Variants in PARD3B observed in about 807,000 individuals in gnomAD.
The protein encoded by PARD3B is partitioning defective 3 homolog B.
In PARD3B, 103 loss-of-function variants were observed where a neutral mutation model predicts 130.2. That is an observed-to-expected ratio of 0.79 (90% CI 0.67 to 0.93). The LOEUF (loss-of-function observed/expected upper bound fraction) is 0.93, where lower values mean the gene tolerates loss of function less well. Ranked by LOEUF, PARD3B falls within the 40% of genes least tolerant of loss-of-function variation. PARD3B has a pLI of 0.00. For missense variants in PARD3B, 1,609 were observed against 1,499.2 expected, an observed-to-expected ratio of 1.07 and a Z score of -1.21; for synonymous variants, 583 against 553.2, an observed-to-expected ratio of 1.05 and a Z score of -0.76.
intron 21 of PARD3B, among the ~76,000 whole-genome samples, chr2:205,533,745 T>G (rs947133179): frequency 7.9e-5 from 12 of 151,264 alleles, no homozygotes; most frequent in African/African-American, 3.0e-4. Context: ...TTGTTTGTTT[T>G]TTGAGACAGG....
intron 15 of PARD3B, among the ~76,000 whole-genome samples, chr2:205,219,848 G>A (rs925137748): frequency 1.6e-4 from 25 of 152,100 alleles, no homozygotes; most frequent in African/African-American, 4.6e-4. Context: ...ACAACCACAG[G>A]CAAAAGTGCC....
chr2:205,023,489 T>A (rs1480868792), intron 3 of PARD3B, among the ~76,000 whole-genome samples: 1 of 151,228 alleles, frequency 6.6e-6, no homozygotes, highest in Non-Finnish European at 1.5e-5. Context: ...AGAAGCTACT[T>A]TTTTAAATGT....
intron 11 of PARD3B, among the ~76,000 whole-genome samples, chr2:205,169,796 A>G (rs1462427044): frequency 1.3e-5 from 2 of 152,178 alleles, no homozygotes; most frequent in Non-Finnish European, 2.9e-5. Flanking sequence ...CAGTCATCCT[A>G]AAACGATTTT....
chr2:204,773,024 T>A (rs2041455403), intron 2 of PARD3B, among the ~76,000 whole-genome samples: 1 of 152,100 alleles, frequency 6.6e-6, no homozygotes, highest in African/African-American at 2.4e-5. Context: ...AATGTTAAGA[T>A]AATTTCCCTC....
chr2:205,369,501 C>T (rs553669378), intron 18 of PARD3B, among the ~76,000 whole-genome samples: 5 of 152,300 alleles, frequency 3.3e-5, no homozygotes, highest in East Asian at 1.9e-4. Context: ...CGGGCGCCTT[C>T]GTGTTCTGAT....
At chr2:204,588,686 A>G (rs2032941703) in intron 1 of PARD3B, among the ~76,000 whole-genome samples, 1 of 152,188 alleles carries the variant, frequency 6.6e-6, no homozygotes, top group Non-Finnish European at 1.5e-5. Context: ...GGAGATTCCC[A>G]TGTTTACTTT....
In PARD3B at chr2:204,943,356, A is replaced by G. The variant is rs567237814; in HGVS notation, c.223-21796A>G. 2.4e-4 allele frequency among the ~76,000 whole-genome samples: 36 copies of G among 152,196 alleles called. No homozygotes were observed. In the South Asian group the frequency reaches 6.2e-3, roughly 26 times the overall value. On this transcript the variant is annotated intron_variant, in intron 2 of 22. Coordinates refer to ENST00000406610, the MANE Select transcript of PARD3B (RefSeq NM_001302769.2). This position sits in a 1 kb window ranked among gnomAD's most constrained non-coding sequence, Gnocchi z 4.2. ...ATGATGAGAAAGAGGTTAGAGGTAG[A>G]CTGGCTGCTGGAAAAGAGAAGCCAA... is the stretch of plus-strand genomic sequence containing the variant.
intron 3 of PARD3B, among the ~76,000 whole-genome samples, chr2:204,971,679 A>G (rs1691723830): frequency 6.6e-6 from 1 of 151,614 alleles, no homozygotes; most frequent in African/African-American, 2.4e-5. Flanking sequence ...AGCTATGGTA[A>G]CCTTGCTAGG....
chr2:205,401,089 G>C lies in PARD3B; in HGVS notation c.2707G>C (p.Glu903Gln). The change falls in exon 19 of 23, where the codon GAA (glutamate) becomes CAA (glutamine). Residue 903 changes from glutamate (E) to glutamine (Q), a missense_variant. Glu to Gln is a conservative substitution (Grantham distance 29). Coordinates refer to ENST00000406610, the MANE Select transcript of PARD3B (RefSeq NM_001302769.2). ...GTLKHGGLRE[E>Q]ELEKMKEERE... ...TCTGAAACATGGTGGCCTGAGAGAA[G>C]AAGAGCTGGAGAAAATGAAAGAAGA... 8.1e-6 allele frequency: 13 copies of C among 1,600,848 alleles called. No homozygotes were observed. Among genetic ancestry groups the C allele is most frequent in the Non-Finnish European group, 1.1e-5 (13 of 1,173,618 alleles).
intron 22 of PARD3B, among the ~76,000 whole-genome samples, chr2:205,607,480 A>G (rs1168211420): frequency 6.6e-6 from 1 of 152,106 alleles, no homozygotes; most frequent in Admixed American, 6.5e-5. Context: ...TGATCACATT[A>G]TTTAACCTCT....
chr2:204,926,334 T>G (rs1221997207), intron 2 of PARD3B, among the ~76,000 whole-genome samples: 1 of 152,122 alleles, frequency 6.6e-6, no homozygotes. Flanking sequence ...TTAAAGTCCT[T>G]GACATCTGTA....
intron 2 of PARD3B, among the ~76,000 whole-genome samples, chr2:204,953,678 G>A (rs1690003195): frequency 6.6e-6 from 1 of 152,170 alleles, no homozygotes; most frequent in Non-Finnish European, 1.5e-5. Context: ...AGGTCTGGGA[G>A]TATTAGATTG....
chr2:205,255,609 T>G (rs971740926), intron 16 of PARD3B, among the ~76,000 whole-genome samples: 3 of 152,142 alleles, frequency 2.0e-5, no homozygotes, highest in Non-Finnish European at 4.4e-5. Flanking sequence ...TAATTCACAG[T>G]TCCCATGACT....
intron 21 of PARD3B, among the ~76,000 whole-genome samples, chr2:205,529,545 C>T (rs906148907): frequency 1.3e-4 from 20 of 151,762 alleles, no homozygotes; most frequent in Admixed American, 7.9e-4. Context: ...CTTCAGAAAA[C>T]GTTACGTAAA....
At position 205,121,543 on chromosome 2, in the gene PARD3B, C is replaced by G; in HGVS notation, c.807-48C>G. On this transcript the variant is annotated intron_variant, in intron 7 of 22. Coordinates refer to ENST00000406610, the MANE Select transcript of PARD3B (RefSeq NM_001302769.2). The surrounding 1 kb of genome is among the most constrained non-coding windows in gnomAD (Gnocchi z 5.0). ...TCCTCCTGGGGTACTTTAGAAGATGCTGCACCTCAAAGCAGGGTCATCATA... is the reference window on the plus strand; with the variant it reads ...TCCTCCTGGGGTACTTTAGAAGATGGTGCACCTCAAAGCAGGGTCATCATA... The G allele has an allele frequency of 6.5e-7, 1 of 1,528,118 alleles. No individual in the cohort carries two copies. The highest frequency in any genetic ancestry group is 9.0e-7 in the Non-Finnish European group (1 of 1,113,100). 94.7% of individuals were successfully genotyped at this position (1,528,118 alleles called of 1,614,324 possible). A position where few individuals can be genotyped will look rare whatever the true frequency, so the allele number is the denominator to read the frequency against.
chr2:205,491,179 C>A (rs931300407), intron 20 of PARD3B, among the ~76,000 whole-genome samples: 1 of 152,116 alleles, frequency 6.6e-6, no homozygotes, highest in Non-Finnish European at 1.5e-5. Context: ...GAAGTCCTTG[C>A]CCCTGCCTAT....
chr2:205,141,177 T>C (rs999458432), intron 10 of PARD3B, among the ~76,000 whole-genome samples: 8 of 152,222 alleles, frequency 5.3e-5, no homozygotes, highest in Non-Finnish European at 1.2e-4. Context: ...GTACCTAATG[T>C]GCAACGGTTT....
rs141589902 is a variant in PARD3B at position 204,688,773 on chromosome 2, T to C, written c.222+2491T>C. Among the ~76,000 whole-genome samples, 189 of 152,204 alleles carry C rather than the reference T, an allele frequency of 1.2e-3. 1 individual carries two copies. Among genetic ancestry groups the C allele is most frequent in the African/African-American group, 4.4e-3 (184 of 41,538 alleles). ...TGCTTTGTGGATGCTTAATGACATATCAGTCTCACTCAGGATCCTTTGAGG... is the reference window on the plus strand; with the variant it reads ...TGCTTTGTGGATGCTTAATGACATACCAGTCTCACTCAGGATCCTTTGAGG... On this transcript the variant is annotated intron_variant, in intron 2 of 22. Coordinates refer to ENST00000406610, the MANE Select transcript of PARD3B (RefSeq NM_001302769.2).
intron 1 of PARD3B, among the ~76,000 whole-genome samples, chr2:204,648,766 A>G: frequency 6.6e-5 from 1 of 15,248 alleles, no homozygotes; most frequent in Non-Finnish European, 1.0e-4. Flanking sequence ...AATAGATATC[A>G]TATAAATAAT....
Sources: gnomAD v4.1 joint callset for allele counts (sites outside exome capture counted in the v4.1 genomes callset) on GRCh38, gnomAD v4.1.1 for gene constraint, Gnocchi (gnomAD v3.1) non-coding constraint, MANE v1.5 for transcripts, NCBI Gene and HGNC (gene_info 2026-07-23, HGNC 2026-07-21) for gene names.